MTMR14: variants seen among roughly 807,000 people sequenced by gnomAD.
The protein encoded by MTMR14 is myotubularin related protein 14.
Under a neutral mutation model 86.3 loss-of-function variants are expected in MTMR14, and 48 were observed. The ratio of observed to expected loss-of-function variants is 0.56; its 90% confidence interval spans 0.44 to 0.71. The LOEUF is 0.71. Ranked by LOEUF, MTMR14 falls within the 30% of genes least tolerant of loss-of-function variation. The pLI is 0.00. For missense variants in MTMR14, 780 were observed against 834.6 expected, an observed-to-expected ratio of 0.93 and a Z score of 0.81; for synonymous variants, 366 against 326.1, an observed-to-expected ratio of 1.12 and a Z score of -1.32.
chr3:9,672,730 C>T lies in MTMR14; in HGVS notation c.723C>T (p.Asp241=), dbSNP rs762289826. Residue 241 remains aspartate (D), a synonymous_variant, in exon 7 of 19, where the codon GAC becomes GAT. Coordinates refer to ENST00000296003, the MANE Select transcript of MTMR14 (RefSeq NM_001077525.3). The part of the protein sequence containing the change: ...EKVDKAQRYA[D]FTLLSIPYPG... ...TGGACAAAGCCCAGCGCTATGCCGACTTCACTCTCCTCTCCATCCCGTATC... is the reference window on the plus strand; with the variant it reads ...TGGACAAAGCCCAGCGCTATGCCGATTTCACTCTCCTCTCCATCCCGTATC... The T allele has an allele frequency of 2.7e-5, 43 of 1,614,092 alleles. 1 individual carries two copies. Among genetic ancestry groups the T allele is most frequent in the Non-Finnish European group, 2.9e-5 (34 of 1,180,054 alleles).
intron 9 of MTMR14, among the ~76,000 whole-genome samples, chr3:9,679,869 A>G (rs1191104772): frequency 6.6e-6 from 1 of 152,200 alleles, no homozygotes; most frequent in African/African-American, 2.4e-5. Flanking sequence ...GGAGTGTAGC[A>G]GGCAGGCAGG....
chr3:9,674,828 A>G (rs539838068), intron 7 of MTMR14, among the ~76,000 whole-genome samples: 1 of 152,230 alleles, frequency 6.6e-6, no homozygotes. Context: ...AAAGGCATCA[A>G]AAGCCGAGTG....
rs1055857127 is a variant in MTMR14, at chr3:9,669,437, G to A, written c.499G>A (p.Ala167Thr). The A allele has an allele frequency of 5.0e-6, 8 of 1,613,828 alleles. No homozygotes were observed. Among genetic ancestry groups the A allele is most frequent in the African/African-American group, 1.3e-5 (1 of 74,924 alleles). The change falls in exon 5 of 19, where the codon GCA (alanine) becomes ACA (threonine). Residue 167 changes from alanine (A) to threonine (T), a missense_variant. Coordinates refer to ENST00000296003, the MANE Select transcript of MTMR14 (RefSeq NM_001077525.3). ...CAGATAGGTTTCTCTGGCAGGGGGT[G>A]CAGATGATGCCTGGGCAGATGTGGA... ...SGYNYFFSGGADDAWADVEDV... is the reference protein window; with the variant it reads ...SGYNYFFSGGTDDAWADVEDV...
intron 17 of MTMR14, among the ~76,000 whole-genome samples, chr3:9,690,716 T>C (rs139627961): frequency 1.2e-3 from 190 of 152,316 alleles, no homozygotes; most frequent in African/African-American, 4.4e-3. Context: ...GAGGCTAGGA[T>C]TGAGGGCTGG....
rs549952450 is a variant in MTMR14, at chr3:9,702,241, G to C, written c.*268G>C. Reference sequence around the variant, plus strand: ...GGGATTCCCATCAACTCTCAGAACTGTGTGGGGTTTCCCTGGGGCCTTGTG... The same window carrying C: ...GGGATTCCCATCAACTCTCAGAACTCTGTGGGGTTTCCCTGGGGCCTTGTG... On this transcript the variant is annotated 3_prime_UTR_variant, in exon 19 of 19. Transcript: ENST00000296003. The C allele has an allele frequency of 1.1e-5, 6 of 533,636 alleles. No homozygotes were observed. The highest frequency in any genetic ancestry group is 1.0e-4 in the South Asian group (5 of 50,042). The allele number at this position is 533,636 out of a possible 1,614,324, so 33.1% of individuals were successfully genotyped here. A position where few individuals can be genotyped will look rare whatever the true frequency, so the allele number is the denominator to read the frequency against.
chr3:9,690,949 A>G (rs2076121208), intron 17 of MTMR14, among the ~76,000 whole-genome samples: 1 of 152,200 alleles, frequency 6.6e-6, no homozygotes. Flanking sequence ...GCTCTGCCAC[A>G]TGTCCATGTG....
intron 13 of MTMR14, among the ~76,000 whole-genome samples, chr3:9,687,394 A>C (rs944648055): frequency 1.3e-5 from 2 of 151,992 alleles, no homozygotes; most frequent in Admixed American, 1.3e-4. Flanking sequence ...TCTCTAATAA[A>C]AATGCGAACA....
Position 9,671,086 on chromosome 3 carries a change from A to G in MTMR14, c.593A>G (p.Tyr198Cys), listed in dbSNP as rs1429851346. Residue 198 changes from tyrosine to cysteine, a missense_variant, in exon 6 of 19, where the codon TAT becomes TGT. By Grantham distance (194) the Tyr-to-Cys change is radical. Coordinates refer to ENST00000296003, the MANE Select transcript of MTMR14 (RefSeq NM_001077525.3). Reference sequence around the variant, plus strand: ...CATCTTTTTGATAAGGTCAGAGGCTATGACATCAAGCTGCTTCGATACCTG... The same window carrying G: ...CATCTTTTTGATAAGGTCAGAGGCTGTGACATCAAGCTGCTTCGATACCTG... ...DTHLFDKVRGYDIKLLRYLSV... is the reference protein window; with the variant it reads ...DTHLFDKVRGCDIKLLRYLSV... 1.2e-6 allele frequency: 2 copies of G among 1,614,190 alleles called. No homozygotes were observed. Among genetic ancestry groups the G allele is most frequent in the Admixed American group, 1.7e-5 (1 of 60,032 alleles).
At chr3:9,669,629 C>A in intron 5 of MTMR14, 137 bp downstream of exon 5, 4 of 852,826 alleles carry the variant, frequency 4.7e-6, no homozygotes, top group Non-Finnish European at 7.1e-6. Flanking sequence ...TTCTGTCTGC[C>A]AAGTCTGTGC....
chr3:9,697,781 T>C lies in MTMR14; in HGVS notation c.1684T>C (p.Cys562Arg). 3 of 1,614,210 alleles carry C rather than the reference T, an allele frequency of 1.9e-6. No homozygotes were observed. Among genetic ancestry groups the C allele is most frequent in the Non-Finnish European group, 2.5e-6 (3 of 1,180,038 alleles). The change falls in exon 18 of 19, where the codon TGT becomes CGT. Residue 562 changes from cysteine to arginine, a missense_variant. Physicochemically the swap from Cys to Arg is radical, Grantham distance 180 (BLOSUM62 -3). Coordinates refer to ENST00000296003, the MANE Select transcript of MTMR14 (RefSeq NM_001077525.3). ...TGGCAGCTGGCAGATGGTAACGGGC[T>C]GTGGCAGTATTCAGGAGCGGGCTGT... ...DYGSWQMVTGCGSIQERAVLH... is the reference protein window; with the variant it reads ...DYGSWQMVTGRGSIQERAVLH...
chr3:9,656,956 G>GGTCT (rs2047642466), intron 2 of MTMR14, among the ~76,000 whole-genome samples: 1 of 151,772 alleles, frequency 6.6e-6, no homozygotes, highest in South Asian at 2.1e-4. Flanking sequence ...ATTAAGACGG[G>GGTCT]GTCTGGAATG....
intron 3 of MTMR14, among the ~76,000 whole-genome samples, chr3:9,668,132 A>AT (rs562474658): frequency 1.2e-3 from 187 of 152,276 alleles, no homozygotes; most frequent in African/African-American, 3.7e-3. Context: ...CTTAACAGTG[A>AT]TCCCTTCAGT....
chr3:9,665,207 A>G (rs2048176684), intron 3 of MTMR14, among the ~76,000 whole-genome samples: 1 of 150,800 alleles, frequency 6.6e-6, no homozygotes, highest in African/African-American at 2.4e-5. Context: ...GCTTGAACCC[A>G]GGAGGCAGAA....
chr3:9,681,459 A>G (rs564968883), intron 9 of MTMR14, among the ~76,000 whole-genome samples: 1 of 152,194 alleles, frequency 6.6e-6, no homozygotes, highest in Non-Finnish European at 1.5e-5. Context: ...AGAGGCAACA[A>G]CGTAACCATC....
At chr3:9,668,463 A>C (rs1051261777) in intron 3 of MTMR14, among the ~76,000 whole-genome samples, 1 of 152,086 alleles carries the variant, frequency 6.6e-6, no homozygotes, top group African/African-American at 2.4e-5. Context: ...ACATGCAACA[A>C]CCACCCAATC....
chr3:9,702,040 T>C lies in MTMR14; in HGVS notation c.*67T>C, dbSNP rs745829211. On this transcript the variant is annotated 3_prime_UTR_variant, in exon 19 of 19. Coordinates refer to ENST00000296003, the MANE Select transcript of MTMR14 (RefSeq NM_001077525.3). Reference sequence around the variant, plus strand: ...AGCCCTTAGCAGAGAATCAAAGCCATGCCTGGCCGAAGGGGTACTTCCAGG... The same window carrying C: ...AGCCCTTAGCAGAGAATCAAAGCCACGCCTGGCCGAAGGGGTACTTCCAGG... 24 of 1,601,988 alleles carry C rather than the reference T, an allele frequency of 1.5e-5. No homozygotes were observed. The highest frequency in any genetic ancestry group is 1.9e-5 in the Non-Finnish European group (22 of 1,171,504).
chr3:9,699,851 T>C (rs2076398588), intron 18 of MTMR14: 1 of 152,228 alleles, frequency 6.6e-6, no homozygotes. Context: ...TCGTATGCTA[T>C]AAGGAGAAGC....
At chr3:9,674,982 A>G (rs1373534256) in intron 7 of MTMR14, among the ~76,000 whole-genome samples, 1 of 152,258 alleles carries the variant, frequency 6.6e-6, no homozygotes, top group East Asian at 1.9e-4. Context: ...GCGGTGGCGC[A>G]TGCCTGTAAT....
chr3:9,649,839 A>T, intron 1 of MTMR14, 97 bp downstream of exon 1: 1 of 1,563,158 alleles, frequency 6.4e-7, no homozygotes, highest in Non-Finnish European at 8.7e-7. Context: ...TAGGAGTGGT[A>T]CCTCGCCGCT....
Sources: gnomAD v4.1 joint callset for allele counts (sites outside exome capture counted in the v4.1 genomes callset) on GRCh38, gnomAD v4.1.1 for gene constraint, MANE v1.5 for transcripts, NCBI Gene and HGNC (gene_info 2026-07-23, HGNC 2026-07-21) for gene names.